Variants in CCDC185 observed in about 807,000 individuals in gnomAD.
The protein encoded by CCDC185 is coiled-coil domain containing 185, also known as coiled-coil domain-containing protein 185.
For missense variants in CCDC185, 982 were observed against 825.3 expected, an observed-to-expected ratio of 1.19 and a Z score of -2.33; for synonymous variants, 381 against 348.1, an observed-to-expected ratio of 1.09 and a Z score of -1.05.
In CCDC185 at chr1:223,395,395, C is replaced by T. The variant is rs752790459; in HGVS notation, c.*48C>T. ...AGTGCGCAGCCAGAAGGAGATGTGGCAATGTGATTCCTTTTGTAATCTGAT... is the reference window on the plus strand; with the variant it reads ...AGTGCGCAGCCAGAAGGAGATGTGGTAATGTGATTCCTTTTGTAATCTGAT... On this transcript the variant is annotated 3_prime_UTR_variant, in exon 1 of 1. Coordinates refer to ENST00000366875, the MANE Select transcript of CCDC185 (RefSeq NM_152610.3). The T allele has an allele frequency of 2.1e-6, 3 of 1,441,622 alleles. No homozygotes were observed. Among genetic ancestry groups the T allele is most frequent in the East Asian group, 2.4e-5 (1 of 41,624 alleles). 89.3% of individuals were successfully genotyped at this position (1,441,622 alleles called of 1,614,324 possible).
chr1:223,393,922 C>A, the CCDC185 span: 7 of 1,612,582 alleles, frequency 4.3e-6, no homozygotes, highest in Admixed American at 8.3e-5. This position sits in a 1 kb window ranked among gnomAD's most constrained non-coding sequence, Gnocchi z 4.8. Flanking sequence ...CCCCGCCTTG[C>A]CCCGGAGGAG....
In CCDC185 at chr1:223,394,773, G is replaced by A. The variant is rs560005249; in HGVS notation, c.1298G>A (p.Arg433Gln). The A allele has an allele frequency of 2.3e-5, 37 of 1,613,052 alleles. No individual in the cohort carries two copies. Among genetic ancestry groups the A allele is most frequent in the Middle Eastern group, 1.7e-4 (1 of 6,048 alleles). Reference protein sequence around the residue: ...NLSSLINYQARKVLMDCQAKA... With the variant: ...NLSSLINYQAQKVLMDCQAKA... ...AGCTCCCTCATCAATTACCAGGCCC[G>A]GAAGGTCCTCATGGACTGCCAGGCC... The change falls in exon 1 of 1, where the codon CGG (arginine) becomes CAG (glutamine). Residue 433 changes from arginine to glutamine, a missense_variant. Coordinates refer to ENST00000366875, the MANE Select transcript of CCDC185 (RefSeq NM_152610.3).
chr1:223,394,344 CG>C, the CCDC185 span: 1 of 1,594,448 alleles, frequency 6.3e-7, no homozygotes, highest in Middle Eastern at 1.7e-4. Flanking sequence ...CTGAAGCGCT[CG>C]GATCAGAAGG....
Position 223,393,973 on chromosome 1 carries a change from A to T in CCDC185, c.498A>T (p.Ala166=), listed in dbSNP as rs1206696194. 2 of 1,614,050 alleles carry T rather than the reference A, an allele frequency of 1.2e-6. No homozygotes were observed. Among genetic ancestry groups the T allele is most frequent in the East Asian group, 4.5e-5 (2 of 44,866 alleles). The part of the protein sequence containing the change: ...PLSGTFRVEK[A]QGGDQWAVPL... ...GTGGCACATTCAGGGTAGAAAAGGC[A>T]CAGGGTGGAGACCAGTGGGCAGTGC... The change falls in exon 1 of 1, where the codon GCA becomes GCT. Residue 166 remains alanine (A), a synonymous_variant. Coordinates refer to ENST00000366875, the MANE Select transcript of CCDC185 (RefSeq NM_152610.3). The surrounding 1 kb of genome is among the most constrained non-coding windows in gnomAD (Gnocchi z 4.8).
Position 223,395,438 on chromosome 1 carries a change from T to G in CCDC185, c.*91T>G. The G allele has an allele frequency of 7.8e-7, 1 of 1,281,816 alleles. No individual in the cohort carries two copies. Among genetic ancestry groups the G allele is most frequent in the Non-Finnish European group, 1.0e-6 (1 of 983,304 alleles). 79.4% of individuals were successfully genotyped at this position (1,281,816 alleles called of 1,614,324 possible). A position where few individuals can be genotyped will look rare whatever the true frequency, so the allele number is the denominator to read the frequency against. ...AATCTGATTATAATTGAACATTGAT[T>G]TTAAAAAAGCATGTAAAATAGCTGC... On this transcript the variant is annotated 3_prime_UTR_variant, in exon 1 of 1. Transcript: ENST00000366875.
At position 223,393,921 on chromosome 1, in the gene CCDC185, G is replaced by T. The variant is rs202105002; in HGVS notation, c.446G>T (p.Cys149Phe). The T allele has an allele frequency of 6.2e-7, 1 of 1,612,742 alleles. No individual in the cohort carries two copies. Among genetic ancestry groups the T allele is most frequent in the African/African-American group, 1.3e-5 (1 of 75,044 alleles). ...GCCCAGGGAGACTCGCCCCCGCCTTGCCCCGGAGGAGCTGGCACTCCCCTG... is the reference window on the plus strand; with the variant it reads ...GCCCAGGGAGACTCGCCCCCGCCTTTCCCCGGAGGAGCTGGCACTCCCCTG... ...PLAQGDSPPP[C>F]PGGAGTPLSG... Residue 149 changes from cysteine to phenylalanine, a missense_variant, in exon 1 of 1, where the codon TGC becomes TTC. Cys to Phe is a radical substitution (Grantham distance 205). Transcript: ENST00000366875. The surrounding 1 kb of genome is among the most constrained non-coding windows in gnomAD (Gnocchi z 4.8).
In CCDC185 at chr1:223,393,419, C is replaced by T. The variant is rs576486474; in HGVS notation, c.-57C>T. On this transcript the variant is annotated 5_prime_UTR_variant, in exon 1 of 1. Transcript: ENST00000366875. The surrounding 1 kb of genome is among the most constrained non-coding windows in gnomAD (Gnocchi z 4.8). ...CGGGGGGCAGGGCGGGTGTCTGCAG[C>T]GTCCTCGGGAGGTCTCAGGCCCCTT... 4,236 of 1,389,620 alleles carry T rather than the reference C, an allele frequency of 3.0e-3. 16 individuals are homozygous for T. Among genetic ancestry groups the T allele is most frequent in the Non-Finnish European group, 3.6e-3 (3,903 of 1,072,348 alleles). The allele number at this position is 1,389,620 out of a possible 1,614,324, so 86.1% of individuals were successfully genotyped here. A position where few individuals can be genotyped will look rare whatever the true frequency, so the allele number is the denominator to read the frequency against.
chr1:223,394,345 G>T lies in CCDC185; in HGVS notation c.870G>T (p.Ser290=), dbSNP rs1054742146. ...AAKAWEELKR[S]DQKVQMTLER... is the part of the protein sequence containing the mutation. ...AGGCCTGGGAGGAGCTGAAGCGCTC[G>T]GATCAGAAGGTCCAGATGACCCTGG... Residue 290 remains serine (S), a synonymous_variant, in exon 1 of 1, where the codon TCG becomes TCT. Transcript: ENST00000366875. 9.4e-6 allele frequency: 15 copies of T among 1,592,952 alleles called. No individual in the cohort carries two copies. The highest frequency in any genetic ancestry group is 1.3e-5 in the Non-Finnish European group (15 of 1,170,020).
At position 223,394,614 on chromosome 1, in the gene CCDC185, G is replaced by A. The variant is rs17852896; in HGVS notation, c.1139G>A (p.Arg380Gln). The stretch of plus-strand genomic sequence containing the variant: ...AAACAGTGCCAGGTGCGGCGCCTGC[G>A]GGAGCAGGAGAAGATGCTACGGAAC... ...HRKQCQVRRLREQEKMLRNLR... is the reference protein window; with the variant it reads ...HRKQCQVRRLQEQEKMLRNLR... Residue 380 changes from arginine to glutamine, a missense_variant, in exon 1 of 1, where the codon CGG becomes CAG. Coordinates refer to ENST00000366875, the MANE Select transcript of CCDC185 (RefSeq NM_152610.3). The A allele has an allele frequency of 5.0e-6, 8 of 1,612,668 alleles. No homozygotes were observed. In the Admixed American group the frequency reaches 8.3e-5, roughly 17 times the overall value.
chr1:223,393,840 A>G lies in CCDC185; in HGVS notation c.365A>G (p.Gln122Arg). 1 of 1,599,744 alleles carries G rather than the reference A, an allele frequency of 6.3e-7. No individual in the cohort carries two copies. Among genetic ancestry groups the G allele is most frequent in the Non-Finnish European group, 8.5e-7 (1 of 1,174,220 alleles). The change falls in exon 1 of 1, where the codon CAG becomes CGG. Residue 122 changes from glutamine to arginine, a missense_variant. By Grantham distance (43) the Gln-to-Arg change is conservative. Transcript: ENST00000366875. This position sits in a 1 kb window ranked among gnomAD's most constrained non-coding sequence, Gnocchi z 4.8. ...GGAACCAAGCCCCGCCCGGCTTGGC[A>G]GCCGCAGACCCAGCTGCCACCCCAG... ...ETGTKPRPAW[Q>R]PQTQLPPQRP... is the part of the protein sequence containing the mutation.
Position 223,395,369 on chromosome 1 carries a change from C to T in CCDC185, c.*22C>T. On this transcript the variant is annotated 3_prime_UTR_variant, in exon 1 of 1. Coordinates refer to ENST00000366875, the MANE Select transcript of CCDC185 (RefSeq NM_152610.3). Reference sequence around the variant, plus strand: ...CTGAGAACCAAGGACGCCTGGCTTACAGTGCGCAGCCAGAAGGAGATGTGG... The same window carrying T: ...CTGAGAACCAAGGACGCCTGGCTTATAGTGCGCAGCCAGAAGGAGATGTGG... The T allele has an allele frequency of 6.7e-7, 1 of 1,500,034 alleles. No homozygotes were observed. Among genetic ancestry groups the T allele is most frequent in the Non-Finnish European group, 8.9e-7 (1 of 1,126,166 alleles). 92.9% of individuals were successfully genotyped at this position (1,500,034 alleles called of 1,614,324 possible).
rs369679518 is a variant in CCDC185 at position 223,394,509 on chromosome 1, G to A, written c.1034G>A (p.Arg345Gln). ...QRKNVPPGESRWKEQPEDQES... is the reference protein window; with the variant it reads ...QRKNVPPGESQWKEQPEDQES... Reference sequence around the variant, plus strand: ...AAGAACGTGCCCCCGGGGGAAAGCCGGTGGAAGGAGCAACCAGAGGACCAG... The same window carrying A: ...AAGAACGTGCCCCCGGGGGAAAGCCAGTGGAAGGAGCAACCAGAGGACCAG... The change falls in exon 1 of 1, where the codon CGG becomes CAG. Residue 345 changes from arginine (R) to glutamine (Q), a missense_variant. Coordinates refer to ENST00000366875, the MANE Select transcript of CCDC185 (RefSeq NM_152610.3). 6 of 1,589,518 alleles carry A rather than the reference G, an allele frequency of 3.8e-6. No homozygotes were observed. The highest frequency in any genetic ancestry group is 3.6e-5 in the Admixed American group (2 of 55,564).
Position 223,395,236 on chromosome 1 carries a change from G to T in CCDC185, c.1761G>T (p.Gln587His). 6.2e-7 allele frequency: 1 copy of T among 1,610,224 alleles called. No homozygotes were observed. The highest frequency in any genetic ancestry group is 1.3e-5 in the African/African-American group (1 of 74,712). ...QGKDPNFQEFQKLPQASRREE... is the reference protein window; with the variant it reads ...QGKDPNFQEFHKLPQASRREE... ...AAGACCCAAACTTCCAGGAGTTCCA[G>T]AAGCTCCCTCAGGCCTCCAGGAGAG... is the stretch of plus-strand genomic sequence containing the variant. The change falls in exon 1 of 1, where the codon CAG (glutamine) becomes CAT (histidine). Residue 587 changes from glutamine to histidine, a missense_variant. By Grantham distance (24) the Gln-to-His change is conservative. Transcript: ENST00000366875.
Position 223,394,128 on chromosome 1 carries a change from T to C in CCDC185, c.653T>C (p.Val218Ala), listed in dbSNP as rs779449042. Residue 218 changes from valine (V) to alanine (A), a missense_variant, in exon 1 of 1, where the codon GTT (valine) becomes GCT (alanine). Physicochemically the swap from Val to Ala is moderately conservative, Grantham distance 64. Coordinates refer to ENST00000366875, the MANE Select transcript of CCDC185 (RefSeq NM_152610.3). ...CAGAAGAGAGACAGCAGCGACCAGG[T>C]TGAGTCATTAGCCAGCCGGGACTCC... ...CAQKRDSSDQ[V>A]ESLASRDSQP... is the part of the protein sequence containing the mutation. The C allele has an allele frequency of 4.3e-6, 7 of 1,613,920 alleles. No individual in the cohort carries two copies. The highest frequency in any genetic ancestry group is 5.9e-6 in the Non-Finnish European group (7 of 1,179,992).
At position 223,393,921 on chromosome 1, in the gene CCDC185, G is replaced by GCCC. The variant is rs1558298565; in HGVS notation, c.448_450dup (p.Pro150dup). On this transcript the variant is annotated inframe_insertion, in exon 1 of 1. Coordinates refer to ENST00000366875, the MANE Select transcript of CCDC185 (RefSeq NM_152610.3). The surrounding 1 kb of genome is among the most constrained non-coding windows in gnomAD (Gnocchi z 4.8). ...GCCCAGGGAGACTCGCCCCCGCCTTGCCCCGGAGGAGCTGGCACTCCCCTG... is the reference window on the plus strand; with the variant it reads ...GCCCAGGGAGACTCGCCCCCGCCTTGCCCCCCCGGAGGAGCTGGCACTCCCCTG... 1 of 1,612,742 alleles carries GCCC rather than the reference G, an allele frequency of 6.2e-7. No individual in the cohort carries two copies.
chr1:223,393,970 G>A lies in CCDC185; in HGVS notation c.495G>A (p.Lys165=), dbSNP rs750648275. The A allele has an allele frequency of 6.2e-7, 1 of 1,614,026 alleles. No individual in the cohort carries two copies. The highest frequency in any genetic ancestry group is 1.1e-5 in the South Asian group (1 of 91,062). The change falls in exon 1 of 1, where the codon AAG becomes AAA. Residue 165 remains lysine, a synonymous_variant. Coordinates refer to ENST00000366875, the MANE Select transcript of CCDC185 (RefSeq NM_152610.3). The surrounding 1 kb of genome is among the most constrained non-coding windows in gnomAD (Gnocchi z 4.8). ...TPLSGTFRVE[K]AQGGDQWAVP... Reference sequence around the variant, plus strand: ...TGAGTGGCACATTCAGGGTAGAAAAGGCACAGGGTGGAGACCAGTGGGCAG... The same window carrying A: ...TGAGTGGCACATTCAGGGTAGAAAAAGCACAGGGTGGAGACCAGTGGGCAG...
chr1:223,393,831 C>A lies in CCDC185; in HGVS notation c.356C>A (p.Pro119Gln). Residue 119 changes from proline to glutamine, a missense_variant, in exon 1 of 1, where the codon CCG (proline) becomes CAG (glutamine). By Grantham distance (76) the Pro-to-Gln change is moderately conservative (BLOSUM62 -1). Transcript: ENST00000366875. This position sits in a 1 kb window ranked among gnomAD's most constrained non-coding sequence, Gnocchi z 4.8. ...AWGETGTKPR[P>Q]AWQPQTQLPP... Reference sequence around the variant, plus strand: ...GGAGAGACAGGAACCAAGCCCCGCCCGGCTTGGCAGCCGCAGACCCAGCTG... The same window carrying A: ...GGAGAGACAGGAACCAAGCCCCGCCAGGCTTGGCAGCCGCAGACCCAGCTG... The A allele has an allele frequency of 1.3e-6, 2 of 1,595,876 alleles. No homozygotes were observed. Among genetic ancestry groups the A allele is most frequent in the South Asian group, 2.2e-5 (2 of 89,018 alleles).
In CCDC185 at chr1:223,394,936, G is replaced by C. The variant is rs1669642215; in HGVS notation, c.1461G>C (p.Gln487His). The C allele has an allele frequency of 1.2e-6, 2 of 1,614,060 alleles. No individual in the cohort carries two copies. The highest frequency in any genetic ancestry group is 2.7e-5 in the African/African-American group (2 of 74,922). ...AGAAGGAGGAAGAGCAGTTGCAGCA[G>C]GCCAGGTGGCGCGCAGGGGAGTCAG... ...KAQKEEEQLQ[Q>H]ARWRAGESEE... is the part of the protein sequence containing the mutation. Residue 487 changes from glutamine (Q) to histidine (H), a missense_variant, in exon 1 of 1, where the codon CAG becomes CAC. Transcript: ENST00000366875.
Position 223,394,230 on chromosome 1 carries a change from T to C in CCDC185, c.755T>C (p.Val252Ala). 1 of 1,613,912 alleles carries C rather than the reference T, an allele frequency of 6.2e-7. No homozygotes were observed. The highest frequency in any genetic ancestry group is 8.5e-7 in the Non-Finnish European group (1 of 1,180,032). Residue 252 changes from valine to alanine, a missense_variant, in exon 1 of 1, where the codon GTG (valine) becomes GCG (alanine). Val to Ala is a moderately conservative substitution (Grantham distance 64). Coordinates refer to ENST00000366875, the MANE Select transcript of CCDC185 (RefSeq NM_152610.3). ...AAGAGCAAGCTGGAAGAGGTGGTGG[T>C]GTCCTCCCAGGACCAGCAGATTGTG... ...VLKSKLEEVV[V>A]SSQDQQIVAL... is the part of the protein sequence containing the mutation.
Sources: gnomAD v4.1 joint callset for allele counts on GRCh38, gnomAD v4.1.1 for gene constraint, Gnocchi (gnomAD v3.1) non-coding constraint, MANE v1.5 for transcripts, NCBI Gene and HGNC (gene_info 2026-07-23, HGNC 2026-07-21) for gene names.